GRB14: variants seen among roughly 807,000 people sequenced by gnomAD.
GRB14 encodes the protein growth factor receptor bound protein 14.
GRB14 carries 38 observed loss-of-function variants against 69.1 expected under a neutral mutation model. The observed-to-expected ratio is 0.55, with a 90% CI of 0.42 to 0.72. GRB14 has a LOEUF of 0.72. Ranked by LOEUF, GRB14 falls within the 30% of genes least tolerant of loss-of-function variation. GRB14 has a pLI of 0.00. For missense variants in GRB14, 666 were observed against 666.1 expected (o/e 1.00, Z 0.00); for synonymous variants, 247 against 241.3 (o/e 1.02, Z -0.22).
At chr2:164,560,414 T>C (rs1295728896) in intron 2 of GRB14, among the ~76,000 whole-genome samples, 1 of 152,184 alleles carries the variant, frequency 6.6e-6, no homozygotes, top group Non-Finnish European at 1.5e-5. Flanking sequence ...TCTCAGTTTG[T>C]GCAAATAGAG....
chr2:164,517,680 T>C (rs1156771050), intron 6 of GRB14, among the ~76,000 whole-genome samples: 1 of 152,028 alleles, frequency 6.6e-6, no homozygotes, highest in African/African-American at 2.4e-5. Flanking sequence ...AAACATTCCA[T>C]GCAAATGGAC....
chr2:164,612,323 G>T (rs1558884274), intron 2 of GRB14, among the ~76,000 whole-genome samples: 1 of 152,216 alleles, frequency 6.6e-6, no homozygotes, highest in Non-Finnish European at 1.5e-5. Flanking sequence ...TTGTAAGCTG[G>T]TTAAGAATAT....
chr2:164,497,508 A>T lies in GRB14; in HGVS notation c.1105-18T>A. On this transcript the variant is annotated intron_variant, in intron 9 of 13. Transcript: ENST00000263915. ...ATACTTCTCTGGAAAAAAGAAACAC[A>T]TTTGAGTTATGAAAATTTCTTTGAA... 1 of 1,407,402 alleles carries T rather than the reference A, an allele frequency of 7.1e-7. No individual in the cohort carries two copies. 87.2% of individuals were successfully genotyped at this position (1,407,402 alleles called of 1,614,324 possible).
rs1690081799 is a variant in GRB14, at chr2:164,608,086, T to C, written c.324+11601A>G. On this transcript the variant is annotated intron_variant, in intron 2 of 13. Coordinates refer to ENST00000263915, the MANE Select transcript of GRB14 (RefSeq NM_004490.3). ...TACTTTTCAATTCAAATTAGTTACA[T>C]TTTGGCCAGGCACAGTGGCTCACAC... 2.0e-5 allele frequency among the ~76,000 whole-genome samples: 3 copies of C among 152,274 alleles called. No homozygotes were observed. The South Asian group carries it at 6.2e-4, about 32-fold the overall frequency.
intron 5 of GRB14, 78 bp downstream of exon 5, chr2:164,524,926 G>C: frequency 1.3e-6 from 1 of 747,246 alleles, no homozygotes; most frequent in Non-Finnish European, 2.2e-6. Flanking sequence ...TTCAAAATCT[G>C]GGCATGTATA....
At chr2:164,519,754 T>C (rs1687589547) in intron 6 of GRB14, among the ~76,000 whole-genome samples, 1 of 151,846 alleles carries the variant, frequency 6.6e-6, no homozygotes, top group Admixed American at 6.6e-5. Flanking sequence ...CAATCCCTTT[T>C]GCAAAAGCTG....
intron 8 of GRB14, among the ~76,000 whole-genome samples, chr2:164,502,536 A>G (rs1027204362): frequency 8.5e-5 from 13 of 152,074 alleles, no homozygotes; most frequent in African/African-American, 2.7e-4. Context: ...TTTTACTTAG[A>G]CCTACAACTT....
At chr2:164,552,356 G>C (rs1206896051) in intron 2 of GRB14, among the ~76,000 whole-genome samples, 1 of 152,180 alleles carries the variant, frequency 6.6e-6, no homozygotes, top group South Asian at 2.1e-4. Flanking sequence ...TGGAGCGAGG[G>C]AACTTTGTAC....
intron 3 of GRB14, among the ~76,000 whole-genome samples, chr2:164,535,536 C>T (rs188408158): frequency 2.0e-5 from 3 of 152,136 alleles, no homozygotes; most frequent in South Asian, 2.1e-4. Flanking sequence ...ACCTCTAATT[C>T]GCTCAGAAAA....
chr2:164,531,963 C>A (rs114571396), intron 3 of GRB14, among the ~76,000 whole-genome samples: 1 of 152,126 alleles, frequency 6.6e-6, no homozygotes, highest in East Asian at 1.9e-4. Flanking sequence ...TATTGTAGTG[C>A]CACATTCCTG....
chr2:164,501,017 G>C (rs1687036207), intron 9 of GRB14, among the ~76,000 whole-genome samples: 1 of 152,024 alleles, frequency 6.6e-6, no homozygotes, highest in Non-Finnish European at 1.5e-5. Context: ...AAGAAATTTG[G>C]AGGAGTTTAG....
chr2:164,512,425 C>T (rs1479757951), intron 6 of GRB14, among the ~76,000 whole-genome samples: 1 of 152,178 alleles, frequency 6.6e-6, no homozygotes, highest in South Asian at 2.1e-4. Flanking sequence ...CCTTGGCCTC[C>T]CAAAGTACTG....
chr2:164,558,169 A>C (rs1688728137), intron 2 of GRB14, among the ~76,000 whole-genome samples: 1 of 151,928 alleles, frequency 6.6e-6, no homozygotes, highest in Admixed American at 6.6e-5. Context: ...TCTATTATTT[A>C]CCTTTTCTGC....
chr2:164,547,611 A>C (rs1220283094), intron 3 of GRB14, 49 bp downstream of exon 3: 1 of 1,481,400 alleles, frequency 6.8e-7, no homozygotes, highest in East Asian at 2.3e-5. Flanking sequence ...AGGGAGCTGA[A>C]CAAGAAATAG....
At chr2:164,499,226 T>G (rs1686986370) in intron 9 of GRB14, among the ~76,000 whole-genome samples, 3 of 152,150 alleles carry the variant, frequency 2.0e-5, no homozygotes, top group Admixed American at 2.0e-4. Context: ...AATAATCAGC[T>G]GTCCTATTTT....
At chr2:164,496,654 CAT>C (rs1434119656) in intron 12 of GRB14, among the ~76,000 whole-genome samples, 1 of 152,112 alleles carries the variant, frequency 6.6e-6, no homozygotes, top group African/African-American at 2.4e-5. Flanking sequence ...ACTTCGAAAT[CAT>C]ATGTTCAAAT....
intron 4 of GRB14, among the ~76,000 whole-genome samples, chr2:164,526,582 T>C (rs1687780275): frequency 6.6e-6 from 1 of 152,084 alleles, no homozygotes; most frequent in African/African-American, 2.4e-5. Flanking sequence ...TGCTTTTACT[T>C]TAGAAAGCTA....
At chr2:164,513,699 A>G (rs1687400723) in intron 6 of GRB14, among the ~76,000 whole-genome samples, 1 of 152,242 alleles carries the variant, frequency 6.6e-6, no homozygotes. Context: ...CTATATTTCA[A>G]CACACCTAGT....
chr2:164,612,869 C>G (rs1690199839), intron 2 of GRB14, among the ~76,000 whole-genome samples: 1 of 152,010 alleles, frequency 6.6e-6, no homozygotes, highest in South Asian at 2.1e-4. Flanking sequence ...GCAAATTAAC[C>G]AAAAATTAAA....
Sources: allele counts gnomAD v4.1 joint callset (sites outside exome capture counted in the v4.1 genomes callset), GRCh38; gene constraint gnomAD v4.1.1; transcripts MANE v1.5; gene names NCBI Gene and HGNC (gene_info 2026-07-23, HGNC 2026-07-21).